Variants in INCA1 observed in about 807,000 individuals in gnomAD.
INCA1 encodes inhibitor of CDK, cyclin A1 interacting protein 1.
A neutral mutation model predicts 25.7 loss-of-function variants in INCA1; 28 were observed. That is an observed-to-expected ratio of 1.09 (90% confidence interval 0.81 to 1.49). The LOEUF is 1.49. INCA1 is among the 40% of genes most tolerant of loss of function. The pLI is 0.00. For missense variants in INCA1, 309 were observed against 290.9 expected (o/e 1.06, Z -0.45); for synonymous variants, 111 against 103.6 (o/e 1.07, Z -0.43).
At chr17:4,988,261 G>T in exon 7 of INCA1, 1 of 882,990 alleles carries the variant, frequency 1.1e-6, no homozygotes, top group Non-Finnish European at 1.7e-6. Context: ...GGCTGTTAAT[G>T]CCTAGTTCAG....
chr17:4,989,535 T>C (rs1973679723), exon 5 of INCA1: 1 of 1,614,224 alleles, frequency 6.2e-7, no homozygotes, highest in Non-Finnish European at 8.5e-7. Flanking sequence ...CTTCCAAACA[T>C]GGCCTCCTCT....
exon 7 of INCA1, chr17:4,988,251 G>T: frequency 1.3e-6 from 1 of 757,318 alleles, no homozygotes; most frequent in Non-Finnish European, 2.0e-6. Flanking sequence ...AGCCCACGGG[G>T]GCTGTTAATG....
At chr17:4,990,090 T>A in intron 3 of INCA1, 62 bp downstream of exon 3, 1 of 1,610,994 alleles carries the variant, frequency 6.2e-7, no homozygotes, top group Non-Finnish European at 8.5e-7. Flanking sequence ...CTATATGGGT[T>A]TATGGTAGTT....
intron 2 of INCA1, among the ~76,000 whole-genome samples, chr17:4,990,603 C>T (rs541435774): frequency 6.6e-5 from 10 of 152,106 alleles, no homozygotes; most frequent in South Asian, 2.1e-4. Context: ...TAACACTGGC[C>T]GGGCGTGGTG....
chr17:4,990,449 A>T (rs1973795844), intron 2 of INCA1, among the ~76,000 whole-genome samples, 184 bp from the exon 3 acceptor site: 1 of 152,088 alleles, frequency 6.6e-6, no homozygotes. Context: ...AGGAAATTGA[A>T]GCTGGGTTGA....
At chr17:4,988,255 G>C in exon 7 of INCA1, 1 of 831,662 alleles carries the variant, frequency 1.2e-6, no homozygotes, top group Non-Finnish European at 1.8e-6. Flanking sequence ...CACGGGGGCT[G>C]TTAATGCCTA....
chr17:4,988,514 GCCT>G (rs1435344592), exon 7 of INCA1: 2 of 1,613,734 alleles, frequency 1.2e-6, no homozygotes, highest in African/African-American at 1.3e-5. Flanking sequence ...GGAGGCACAA[GCCT>G]CCTCCTGATC....
At chr17:4,990,727 C>CA (rs1365355956) in intron 2 of INCA1, among the ~76,000 whole-genome samples, 1 of 151,050 alleles carries the variant, frequency 6.6e-6, no homozygotes, top group African/African-American at 2.4e-5. Context: ...ACTAAAATCA[C>CA]AAAAAATTAG....
chr17:4,989,045 C>T, intron 5 of INCA1, 101 bp from the exon 6 acceptor site: 1 of 1,283,796 alleles, frequency 7.8e-7, no homozygotes, highest in Non-Finnish European at 1.1e-6. Flanking sequence ...GCTGGGACTC[C>T]AGGGAGTTGT....
chr17:4,990,116 C>T, intron 3 of INCA1, 36 bp downstream of exon 3: 1 of 1,613,362 alleles, frequency 6.2e-7, no homozygotes. Flanking sequence ...CAGTTAAGAC[C>T]ACATCCAGTT....
At chr17:4,997,035 G>C (rs1353081536), upstream of INCA1, 1 of 153,032 alleles carries the variant, frequency 6.5e-6, no homozygotes, top group African/African-American at 2.4e-5. Flanking sequence ...GCTGAAGGAA[G>C]CCAGGAAGGA....
rs140398979 is a variant in INCA1, at chr17:4,991,431, C to A, written c.45-1166G>T. Among the ~76,000 whole-genome samples the A allele has an allele frequency of 3.2e-3, 492 of 152,334 alleles. 2 individuals are homozygous for A. The highest frequency in any genetic ancestry group is 0.011 in the African/African-American group (451 of 41,572). ...TGCAAGGATCCAGGGGAGAGAACCTCTGTTTACTTCATTTGTCTCCCCATC... is the reference window on the plus strand; with the variant it reads ...TGCAAGGATCCAGGGGAGAGAACCTATGTTTACTTCATTTGTCTCCCCATC... On this transcript the variant is annotated intron_variant, in intron 2 of 6. Coordinates refer to ENST00000576820, the Ensembl canonical transcript of INCA1.
rs551375693 is a variant in INCA1, at chr17:4,995,268, A to C, written c.-38-793T>G. ...TTGAACATTTAGGTTGAAGATAGTG[A>C]GCACAGGAAAAGTGGATGTGGTAAA... On this transcript the variant is annotated intron_variant, in intron 1 of 6. Transcript: ENST00000576820. Among the ~76,000 whole-genome samples the C allele has an allele frequency of 4.6e-5, 7 of 152,150 alleles. No homozygotes were observed. In the South Asian group the frequency reaches 1.5e-3, roughly 32 times the overall value.
intron 2 of INCA1, among the ~76,000 whole-genome samples, chr17:4,992,040 A>G (rs960097315): frequency 6.6e-6 from 1 of 152,172 alleles, no homozygotes; most frequent in Non-Finnish European, 1.5e-5. Flanking sequence ...GAAATAATAT[A>G]AGGTTTGAGA....
In INCA1 at chr17:4,988,218, T is replaced by A. The variant is rs969701772; in HGVS notation, c.*187A>T. The A allele has an allele frequency of 5.5e-6, 3 of 549,760 alleles. No individual in the cohort carries two copies. The African/African-American group carries it at 5.9e-5, about 11-fold the overall frequency. The allele number at this position is 549,760 out of a possible 1,614,324, so 34.1% of individuals were successfully genotyped here. On this transcript the variant is annotated 3_prime_UTR_variant, in exon 7 of 7. Transcript: ENST00000576820. ...GAAAACAGGACTTGGGGTGCTCCTGTGAGAGCGGTGGGTTGAGATGGGAGC... is the reference window on the plus strand; with the variant it reads ...GAAAACAGGACTTGGGGTGCTCCTGAGAGAGCGGTGGGTTGAGATGGGAGC...
At chr17:4,994,590 G>A (rs952392634) in intron 1 of INCA1, 115 bp from the exon 2 acceptor site, 51 of 690,112 alleles carry the variant, frequency 7.4e-5, no homozygotes, top group Non-Finnish European at 1.2e-4. Flanking sequence ...AGGAGTTCAA[G>A]ACCAGCCTGG....
chr17:4,989,245 C>G (rs1973638365), intron 5 of INCA1, among the ~76,000 whole-genome samples, 183 bp downstream of exon 5: 3 of 152,176 alleles, frequency 2.0e-5, no homozygotes, highest in African/African-American at 7.2e-5. Flanking sequence ...CAGTTCCCTC[C>G]TTCTTTCCAT....
intron 4 of INCA1, 31 bp from the exon 5 acceptor site, chr17:4,989,655 A>G (rs1448919076): frequency 6.2e-7 from 1 of 1,608,392 alleles, no homozygotes; most frequent in Non-Finnish European, 8.5e-7. Context: ...AAAGAGCTAG[A>G]AAGAAGAACT....
rs1190378482 is a variant in INCA1 at position 4,988,817 on chromosome 17, G to A, written c.523C>T (p.Gln175Ter). Residue 175 changes from glutamine (Q) to a stop codon, truncating the protein, a stop_gained, in exon 6 of 7, where the codon CAG becomes TAG. Coordinates refer to ENST00000576820, the Ensembl canonical transcript of INCA1. LOFTEE classifies it low-confidence loss of function (END_TRUNC). ...GGAGTGAGAAAACGGTCCTCTTCCT[G>A]TGGATAGGTTGCTCTCTCCTCTTCC... 6.2e-7 allele frequency: 1 copy of A among 1,614,204 alleles called. No individual in the cohort carries two copies. The highest frequency in any genetic ancestry group is 8.5e-7 in the Non-Finnish European group (1 of 1,180,032).
Sources: allele counts gnomAD v4.1 joint callset (sites outside exome capture counted in the v4.1 genomes callset), GRCh38; gene constraint gnomAD v4.1.1; transcripts MANE v1.5; gene names NCBI Gene and HGNC (gene_info 2026-07-23, HGNC 2026-07-21).